The following SLURP2 variants were observed in gnomAD, a reference collection of about 807,000 sequenced individuals.
SLURP2 encodes secreted LY6/PLAUR domain containing 2.
Under a neutral mutation model 9.8 loss-of-function variants are expected in SLURP2, and 4 were observed. The ratio of observed to expected loss-of-function variants is 0.41; its 90% CI spans 0.20 to 0.94. The LOEUF (loss-of-function observed/expected upper bound fraction) is 0.94, where lower values mean the gene tolerates loss of function less well. Ranked by LOEUF, SLURP2 falls within the 40% of genes least tolerant of loss-of-function variation. The probability of loss-of-function intolerance (pLI) is 0.32; values close to 1 mark genes in which losing one functional copy is unlikely to be tolerated. For missense variants in SLURP2, 118 were observed against 126.4 expected, an observed-to-expected ratio of 0.93 and a Z score of 0.32; for synonymous variants, 58 against 56.2, an observed-to-expected ratio of 1.03 and a Z score of -0.15.
rs992546844 is a variant in SLURP2, at chr8:142,769,660, G to A, written c.52+95C>T. ...TGGGGGGACAGGAATGGGTTCTCCC[G>A]AGGTGGGCAGTCACAGCCCAGGGCT... is the stretch of plus-strand genomic sequence containing the variant. On this transcript the variant is annotated intron_variant, in intron 1 of 2. Transcript: ENST00000317543. 1.4e-4 allele frequency: 155 copies of A among 1,140,230 alleles called. 1 individual carries two copies. The highest frequency in any genetic ancestry group is 2.1e-4 in the Middle Eastern group (1 of 4,706). 70.6% of individuals were successfully genotyped at this position (1,140,230 alleles called of 1,614,324 possible).
Position 142,765,021 on chromosome 8 carries a change from A to G in SLURP2, c.157+15T>C, listed in dbSNP as rs763517959. Reference sequence around the variant, plus strand: ...GCAAGAAGGACGTGGCCAGCCCACCACTGTTCCCACTTACGGGTGGCAGTG... The same window carrying G: ...GCAAGAAGGACGTGGCCAGCCCACCGCTGTTCCCACTTACGGGTGGCAGTG... On this transcript the variant is annotated intron_variant, in intron 2 of 2. Transcript: ENST00000317543. The G allele has an allele frequency of 6.3e-7, 1 of 1,597,422 alleles. No individual in the cohort carries two copies.
chr8:142,765,003 G>C (rs1814953249), intron 2 of SLURP2, 33 bp downstream of exon 2: 1 of 1,552,178 alleles, frequency 6.4e-7, no homozygotes, highest in Admixed American at 1.8e-5. Flanking sequence ...TGGGCAAGAA[G>C]GACGTGGCCA....
chr8:142,767,458 C>T (rs73362655), intron 1 of SLURP2, among the ~76,000 whole-genome samples: 3,013 of 152,268 alleles, frequency 0.02, 99 homozygotes, highest in African/African-American at 0.067. Flanking sequence ...TGGGGGGTAG[C>T]AGGGAAGATG....
chr8:142,764,795 A>AGCTGCTGC (rs1471339251), intron 2 of SLURP2, 54 bp from the exon 3 acceptor site: 1 of 1,599,766 alleles, frequency 6.3e-7, no homozygotes, highest in Non-Finnish European at 8.5e-7. Context: ...GTTTGCCCAG[A>AGCTGCTGC]CCCTGCTGCC....
chr8:142,768,867 C>T lies in SLURP2; in HGVS notation c.52+888G>A, dbSNP rs587679953. On this transcript the variant is annotated intron_variant, in intron 1 of 2. Transcript: ENST00000317543. The surrounding 1 kb of genome is among the most constrained non-coding windows in gnomAD (Gnocchi z 4.8). Reference sequence around the variant, plus strand: ...TGAGCCAGCGCCAGGGACTCACCGACGCTCCACCCCCTGCTCATTCAGGGC... The same window carrying T: ...TGAGCCAGCGCCAGGGACTCACCGATGCTCCACCCCCTGCTCATTCAGGGC... 2.0e-5 allele frequency among the ~76,000 whole-genome samples: 3 copies of T among 152,218 alleles called. No individual in the cohort carries two copies. Among genetic ancestry groups the T allele is most frequent in the South Asian group, 2.1e-4 (1 of 4,822 alleles).
At chr8:142,764,972 C>T (rs1814952733) in intron 2 of SLURP2, 64 bp downstream of exon 2, 1 of 1,417,494 alleles carries the variant, frequency 7.1e-7, no homozygotes, top group East Asian at 2.4e-5. Flanking sequence ...CTGTCACCCT[C>T]TGAGCCCACA....
At chr8:142,767,294 GA>G (rs1402305030) in intron 1 of SLURP2, among the ~76,000 whole-genome samples, 6 of 152,224 alleles carry the variant, frequency 3.9e-5, no homozygotes, top group African/African-American at 1.4e-4. Flanking sequence ...CTTCGAGAAA[GA>G]AAGGTGGTGA....
At position 142,765,172 on chromosome 8, in the gene SLURP2, G is replaced by A. The variant is rs755813806; in HGVS notation, c.53-32C>T. 200 of 1,568,818 alleles carry A rather than the reference G, an allele frequency of 1.3e-4. 5 individuals carry two copies. The South Asian group carries it at 2.1e-3, about 17-fold the overall frequency. On this transcript the variant is annotated intron_variant, in intron 1 of 2. Transcript: ENST00000317543. ...ACATGGGGACAGACAGGACACAAAC[G>A]GATGGGAGGCAGGTGTGGGCCACCT...
chr8:142,766,729 T>A (rs911340283), intron 1 of SLURP2, among the ~76,000 whole-genome samples: 3 of 152,168 alleles, frequency 2.0e-5, no homozygotes, highest in African/African-American at 7.2e-5. Flanking sequence ...TCCCTCCCTG[T>A]CCTCACCCTT....
rs886920255 is a variant in SLURP2 at position 142,768,590 on chromosome 8, A to G, written c.52+1165T>C. ...AGAGGGGAGTCCGTGGGCACCGGGC[A>G]CCCAGGCAGAGGCTCCTGTGATGTG... On this transcript the variant is annotated intron_variant, in intron 1 of 2. Transcript: ENST00000317543. The surrounding 1 kb of genome is among the most constrained non-coding windows in gnomAD (Gnocchi z 4.8). Among the ~76,000 whole-genome samples the G allele has an allele frequency of 5.3e-5, 8 of 152,144 alleles. No individual in the cohort carries two copies. The highest frequency in any genetic ancestry group is 1.7e-4 in the African/African-American group (7 of 41,502).
intron 1 of SLURP2, among the ~76,000 whole-genome samples, chr8:142,767,844 G>A (rs1815050403): frequency 6.6e-6 from 1 of 152,084 alleles, no homozygotes; most frequent in Admixed American, 6.5e-5. Flanking sequence ...CCATTCCTCA[G>A]TGCTCCCTCC....
chr8:142,764,476 T>A lies in SLURP2; in HGVS notation c.*129A>T. On this transcript the variant is annotated 3_prime_UTR_variant, in exon 3 of 3. Transcript: ENST00000317543. ...AGGACTTCCCTAGGACAAGCGGTGC[T>A]GGACGGTGGCTGCAGAGGCCGGGAG... is the stretch of plus-strand genomic sequence containing the variant. The A allele has an allele frequency of 1.0e-6, 1 of 973,412 alleles. No individual in the cohort carries two copies. Among genetic ancestry groups the A allele is most frequent in the Non-Finnish European group, 1.6e-6 (1 of 629,432 alleles). The allele number at this position is 973,412 out of a possible 1,614,324, so 60.3% of individuals were successfully genotyped here. A position where few individuals can be genotyped will look rare whatever the true frequency, so the allele number is the denominator to read the frequency against.
chr8:142,764,782 C>T (rs587649778), intron 2 of SLURP2, 41 bp from the exon 3 acceptor site: 6 of 1,606,334 alleles, frequency 3.7e-6, no homozygotes, highest in Admixed American at 3.5e-5. Context: ...CCCTGAGGCT[C>T]TGGTTTGCCC....
At chr8:142,764,779 G>T in intron 2 of SLURP2, 38 bp from the exon 3 acceptor site, 1 of 1,608,348 alleles carries the variant, frequency 6.2e-7, no homozygotes, top group South Asian at 1.1e-5. Flanking sequence ...GCTCCCTGAG[G>T]CTCTGGTTTG....
intron 1 of SLURP2, among the ~76,000 whole-genome samples, chr8:142,765,473 G>GCT (rs113049642): frequency 4.7e-5 from 7 of 148,192 alleles, no homozygotes; most frequent in Admixed American, 1.3e-4. Flanking sequence ...CAGGGTGGGG[G>GCT]GTGGGGAGGA....
chr8:142,765,823 C>A (rs587615317), intron 1 of SLURP2, among the ~76,000 whole-genome samples: 1 of 152,034 alleles, frequency 6.6e-6, no homozygotes, highest in Non-Finnish European at 1.5e-5. Context: ...ATTAGCTGGG[C>A]ATGGTGGCGT....
intron 1 of SLURP2, among the ~76,000 whole-genome samples, chr8:142,767,704 C>A (rs1284250887): frequency 6.6e-6 from 1 of 152,112 alleles, no homozygotes; most frequent in Non-Finnish European, 1.5e-5. Flanking sequence ...AACTCTGACA[C>A]ACCCACCGTG....
chr8:142,764,565 G>T lies in SLURP2; in HGVS notation c.*40C>A, dbSNP rs1235362413. Reference sequence around the variant, plus strand: ...GCCCTGGCGCCAGGCTGTGGGGGCTGTGGGGGCTGAGCGTCCGGGGGCCTG... The same window carrying T: ...GCCCTGGCGCCAGGCTGTGGGGGCTTTGGGGGCTGAGCGTCCGGGGGCCTG... On this transcript the variant is annotated 3_prime_UTR_variant, in exon 3 of 3. Transcript: ENST00000317543. 1 of 1,592,960 alleles carries T rather than the reference G, an allele frequency of 6.3e-7. No individual in the cohort carries two copies. Among genetic ancestry groups the T allele is most frequent in the Non-Finnish European group, 8.5e-7 (1 of 1,171,900 alleles).
rs1327777724 is a variant in SLURP2, at chr8:142,765,838, C to G, written c.53-698G>C. Among the ~76,000 whole-genome samples the G allele has an allele frequency of 5.3e-5, 8 of 152,024 alleles. No homozygotes were observed. In the East Asian group the frequency reaches 1.6e-3, roughly 29 times the overall value. ...ATTAGCTGGGCATGGTGGCGTGTGCCTGTAATCCCAGCTACTCAGGAGGCT... is the reference window on the plus strand; with the variant it reads ...ATTAGCTGGGCATGGTGGCGTGTGCGTGTAATCCCAGCTACTCAGGAGGCT... On this transcript the variant is annotated intron_variant, in intron 1 of 2. Coordinates refer to ENST00000317543, the MANE Select transcript of SLURP2 (RefSeq NM_177458.3).
Sources: gnomAD v4.1 joint callset for allele counts (sites outside exome capture counted in the v4.1 genomes callset) on GRCh38, gnomAD v4.1.1 for gene constraint, Gnocchi (gnomAD v3.1) non-coding constraint, MANE v1.5 for transcripts, NCBI Gene and HGNC (gene_info 2026-07-23, HGNC 2026-07-21) for gene names.